The following AP2A2 variants were observed in gnomAD, a reference collection of about 807,000 sequenced individuals.
AP2A2 encodes the protein adaptor related protein complex 2 subunit alpha 2.
In AP2A2, 32 loss-of-function variants were observed where a neutral mutation model predicts 104.2. The observed-to-expected ratio is 0.31, with a 90% CI of 0.23 to 0.41. The LOEUF (loss-of-function observed/expected upper bound fraction) is 0.41. AP2A2 is among the 10% of genes least tolerant of loss of function. AP2A2 has a pLI of 1.00. For synonymous variants in AP2A2, 539 were observed against 533.3 expected, an observed-to-expected ratio of 1.01 and a Z score of -0.15; for missense variants, 912 against 1,261.0, an observed-to-expected ratio of 0.72 and a Z score of 4.19.
chr11:941,985 A>G (rs1435418618), intron 1 of AP2A2, among the ~76,000 whole-genome samples: 1 of 149,394 alleles, frequency 6.7e-6, no homozygotes, highest in Admixed American at 6.7e-5. Flanking sequence ...GGAGTGCAGT[A>G]GCGTGATCTT....
intron 1 of AP2A2, among the ~76,000 whole-genome samples, chr11:950,522 C>T (rs945697074): frequency 5.3e-5 from 8 of 151,942 alleles, no homozygotes; most frequent in African/African-American, 1.2e-4. Context: ...GTTGGCCAAA[C>T]GCCATTCGCT....
At chr11:988,852 A>G (rs1855551428) in intron 10 of AP2A2, 163 bp downstream of exon 10, 1 of 996,892 alleles carries the variant, frequency 1.0e-6, no homozygotes, top group East Asian at 2.6e-5. Context: ...CACATTTTCA[A>G]GCTGGGTGTG....
At chr11:974,614 G>A (rs1367668131) in intron 4 of AP2A2, among the ~76,000 whole-genome samples, 4 of 150,644 alleles carry the variant, frequency 2.7e-5, no homozygotes, top group Non-Finnish European at 5.9e-5. Flanking sequence ...CCCAGGAGGC[G>A]GAGGCTGCAG....
At chr11:940,232 C>T (rs1853601256) in intron 1 of AP2A2, among the ~76,000 whole-genome samples, 1 of 151,992 alleles carries the variant, frequency 6.6e-6, no homozygotes, top group Non-Finnish European at 1.5e-5. Context: ...GGGATTACAG[C>T]CGTGAGCCAC....
At chr11:979,821 C>A (rs1855180871) in intron 5 of AP2A2, among the ~76,000 whole-genome samples, 1 of 152,210 alleles carries the variant, frequency 6.6e-6, no homozygotes, top group African/African-American at 2.4e-5. Context: ...CCTGCTTCGG[C>A]CTCCCAAAGT....
intron 17 of AP2A2, chr11:1,007,355 CTT>C (rs1590023037): frequency 6.5e-6 from 1 of 154,010 alleles, no homozygotes; most frequent in Admixed American, 6.4e-5. Context: ...GTATTAAAGA[CTT>C]TGTTTGGAAT....
intron 1 of AP2A2, among the ~76,000 whole-genome samples, chr11:931,228 G>GAAAACA (rs1413543723): frequency 1.3e-5 from 2 of 152,100 alleles, no homozygotes; most frequent in Non-Finnish European, 2.9e-5. Flanking sequence ...AAGATACCGA[G>GAAAACA]AAAACAAAAT....
intron 4 of AP2A2, among the ~76,000 whole-genome samples, chr11:973,716 C>T (rs546034646): frequency 6.6e-6 from 1 of 152,306 alleles, no homozygotes; most frequent in African/African-American, 2.4e-5. Context: ...GGGTCGAAAC[C>T]AGCCAGCAGG....
chr11:985,541 C>G lies in AP2A2; in HGVS notation c.921C>G (p.Ala307=). The part of the protein sequence containing the change: ...KKVQHSNAKN[A]VLFEAISLII... ...TCCAGCACTCCAACGCGAAGAATGCCGTGCTCTTCGAGGCCATCAGCTTAA... is the reference window on the plus strand; with the variant it reads ...TCCAGCACTCCAACGCGAAGAATGCGGTGCTCTTCGAGGCCATCAGCTTAA... Residue 307 remains alanine, a synonymous_variant, in exon 8 of 22, where the codon GCC becomes GCG. Coordinates refer to ENST00000448903, the MANE Select transcript of AP2A2 (RefSeq NM_012305.4). 6.2e-7 allele frequency: 1 copy of G among 1,613,950 alleles called. No homozygotes were observed. The highest frequency in any genetic ancestry group is 8.5e-7 in the Non-Finnish European group (1 of 1,179,892).
At chr11:998,539 C>T (rs1329238612) in intron 14 of AP2A2, among the ~76,000 whole-genome samples, 1 of 151,992 alleles carries the variant, frequency 6.6e-6, no homozygotes, top group Non-Finnish European at 1.5e-5. Context: ...TTTTTACCTT[C>T]TTAGATGTCC....
rs1257157224 is a variant in AP2A2 at position 1,011,160 on chromosome 11, T to C, written c.*535T>C. 1 of 537,106 alleles carries C rather than the reference T, an allele frequency of 1.9e-6. No homozygotes were observed. Among genetic ancestry groups the C allele is most frequent in the African/African-American group, 1.9e-5 (1 of 52,884 alleles). The allele number at this position is 537,106 out of a possible 1,614,324, so 33.3% of individuals were successfully genotyped here. ...TGTTTTCCCAGGCAGGATTTTAATC[T>C]AGAATTTAGAAACATTTGTATTTGT... is the stretch of plus-strand genomic sequence containing the variant. On this transcript the variant is annotated 3_prime_UTR_variant, in exon 22 of 22. Coordinates refer to ENST00000448903, the MANE Select transcript of AP2A2 (RefSeq NM_012305.4).
intron 1 of AP2A2, chr11:946,811 CAG>C (rs1375433775): frequency 1.5e-5 from 2 of 132,208 alleles, no homozygotes; most frequent in South Asian, 2.3e-4. Context: ...AAACAATAAA[CAG>C]AGGACATTTG....
chr11:934,404 G>A (rs978928473), intron 1 of AP2A2, among the ~76,000 whole-genome samples: 1 of 152,128 alleles, frequency 6.6e-6, no homozygotes, highest in African/African-American at 2.4e-5. Context: ...GGATTTATAG[G>A]TGTGAGCCAC....
rs565498173 is a variant in AP2A2, at chr11:992,069, A to T, written c.1270-434A>T. 1.5e-4 allele frequency among the ~76,000 whole-genome samples: 23 copies of T among 152,194 alleles called. No individual in the cohort carries two copies. Among genetic ancestry groups the T allele is most frequent in the South Asian group, 1.0e-3 (5 of 4,818 alleles). ...GAAAGACTGGCCAGAGCCGGAAGAA[A>T]CCAGCAGAGAAGTGGCCGCCGGGAG... On this transcript the variant is annotated intron_variant, in intron 10 of 21. Transcript: ENST00000448903. The surrounding 1 kb of genome is among the most constrained non-coding windows in gnomAD (Gnocchi z 6.4).
At chr11:989,800 T>C (rs1024551082) in intron 10 of AP2A2, among the ~76,000 whole-genome samples, 1 of 152,162 alleles carries the variant, frequency 6.6e-6, no homozygotes, top group Admixed American at 6.5e-5. Context: ...TGGTGGGGTT[T>C]AAGGGGGAGG....
Position 1,009,701 on chromosome 11 carries a change from G to A in AP2A2, c.2626G>A (p.Ala876Thr). Reference protein sequence around the residue: ...TKAKIIGFGSALLEEVDPNPA... With the variant: ...TKAKIIGFGSTLLEEVDPNPA... Reference sequence around the variant, plus strand: ...TGGACAGATCATTGGATTTGGTTCTGCACTTCTTGAAGAAGTTGATCCTAA... The same window carrying A: ...TGGACAGATCATTGGATTTGGTTCTACACTTCTTGAAGAAGTTGATCCTAA... Residue 876 changes from alanine to threonine, a missense_variant, in exon 21 of 22, where the codon GCA becomes ACA. Transcript: ENST00000448903. The A allele has an allele frequency of 6.4e-7, 1 of 1,572,794 alleles. No homozygotes were observed. Among genetic ancestry groups the A allele is most frequent in the Non-Finnish European group, 8.6e-7 (1 of 1,157,978 alleles).
At chr11:969,219 CCTTTTTTTTTT>C (rs1164930002) in intron 2 of AP2A2, among the ~76,000 whole-genome samples, 1 of 112,812 alleles carries the variant, frequency 8.9e-6, no homozygotes. Context: ...GTAGAACAGC[CCTTTTTTTTTT>C]TTTTTTTTTT....
At chr11:927,549 C>G (rs1004135049) in intron 1 of AP2A2, among the ~76,000 whole-genome samples, 4 of 150,566 alleles carry the variant, frequency 2.7e-5, no homozygotes, top group African/African-American at 9.8e-5. Context: ...GGTGCGGTGG[C>G]TCAAACCTAT....
intron 1 of AP2A2, chr11:943,211 T>TC (rs1448719682): frequency 2.6e-5 from 4 of 152,126 alleles, no homozygotes; most frequent in Admixed American, 6.5e-5. Flanking sequence ...AGTCAAATCT[T>TC]CAACAGCCGA....
Sources: allele counts gnomAD v4.1 joint callset (sites outside exome capture counted in the v4.1 genomes callset), GRCh38; gene constraint gnomAD v4.1.1; non-coding constraint Gnocchi (gnomAD v3.1); transcripts MANE v1.5; gene names NCBI Gene and HGNC (gene_info 2026-07-23, HGNC 2026-07-21).